The following GLG1 variants were observed in gnomAD, a reference collection of about 807,000 sequenced individuals.
GLG1 encodes the protein golgi glycoprotein 1, also known as Golgi apparatus protein 1.
GLG1 carries 38 observed loss-of-function variants against 160.5 expected under a neutral mutation model. That is an observed-to-expected ratio of 0.24 (90% confidence interval 0.18 to 0.31). The LOEUF (loss-of-function observed/expected upper bound fraction) is 0.31. GLG1 is among the 10% of genes least tolerant of loss of function. The pLI is 1.00. For synonymous variants in GLG1, 644 were observed against 543.4 expected, an observed-to-expected ratio of 1.19 and a Z score of -2.57; for missense variants, 1,373 against 1,505.2, an observed-to-expected ratio of 0.91 and a Z score of 1.45.
chr16:74,583,625 C>T (rs147796734), intron 1 of GLG1, among the ~76,000 whole-genome samples: 3 of 152,298 alleles, frequency 2.0e-5, no homozygotes, highest in South Asian at 2.1e-4. Flanking sequence ...AGTGATCCAC[C>T]GGCCTCAGCC....
chr16:74,462,074 GT>G lies in GLG1; in HGVS notation c.3036+19del. On this transcript the variant is annotated intron_variant, in intron 22 of 25. Transcript: ENST00000422840. ...CTCTGAGCAGCTCTGTGCGTAACCAGTTTTGCACGCAAATCCCACCTCGTCT... is the reference window on the plus strand; with the variant it reads ...CTCTGAGCAGCTCTGTGCGTAACCAGTTTGCACGCAAATCCCACCTCGTCT... 1 of 1,378,864 alleles carries G rather than the reference GT, an allele frequency of 7.3e-7. No individual in the cohort carries two copies. The highest frequency in any genetic ancestry group is 1.0e-6 in the Non-Finnish European group (1 of 968,526). The allele number at this position is 1,378,864 out of a possible 1,614,324, so 85.4% of individuals were successfully genotyped here.
chr16:74,538,172 C>A (rs2017737538), intron 1 of GLG1, among the ~76,000 whole-genome samples: 1 of 148,702 alleles, frequency 6.7e-6, no homozygotes, highest in Non-Finnish European at 1.5e-5. Flanking sequence ...TTTTTGAATC[C>A]CTCAGGAGAA....
At chr16:74,457,356 C>G (rs532144134) in intron 24 of GLG1, among the ~76,000 whole-genome samples, 2 of 152,224 alleles carry the variant, frequency 1.3e-5, no homozygotes, top group South Asian at 4.1e-4. Flanking sequence ...GAGATCATGC[C>G]ACCACACTCC....
At chr16:74,526,569 C>T (rs2017340695) in intron 2 of GLG1, among the ~76,000 whole-genome samples, 1 of 150,594 alleles carries the variant, frequency 6.6e-6, no homozygotes, top group Non-Finnish European at 1.5e-5. Context: ...ACAAAAAATA[C>T]AAAAATTAGC....
At chr16:74,572,529 A>AC (rs1163760385) in intron 1 of GLG1, among the ~76,000 whole-genome samples, 5 of 142,692 alleles carry the variant, frequency 3.5e-5, no homozygotes, top group South Asian at 4.6e-4. Context: ...AAAACAAACA[A>AC]AAAAAAAAAA....
intron 2 of GLG1, among the ~76,000 whole-genome samples, chr16:74,518,134 T>G (rs879082721): frequency 6.6e-6 from 1 of 152,120 alleles, no homozygotes; most frequent in Non-Finnish European, 1.5e-5. Flanking sequence ...CCAAAGTAAT[T>G]TATAGAGTCA....
intron 12 of GLG1, among the ~76,000 whole-genome samples, chr16:74,475,559 T>C (rs11861157): frequency 6.6e-6 from 1 of 152,210 alleles, no homozygotes; most frequent in African/African-American, 2.4e-5. Flanking sequence ...TGTGTGGGCT[T>C]TGGAAACCGA....
intron 19 of GLG1, chr16:74,464,015 A>C: frequency 6.5e-6 from 1 of 154,020 alleles, no homozygotes; most frequent in Non-Finnish European, 1.4e-5. Flanking sequence ...ATCTATCCAA[A>C]AGCTGATGAA....
intron 2 of GLG1, among the ~76,000 whole-genome samples, chr16:74,528,334 G>T (rs529448503): frequency 6.6e-6 from 1 of 151,944 alleles, no homozygotes; most frequent in East Asian, 1.9e-4. Context: ...TTTTTTGCTG[G>T]ATATAGAATT....
chr16:74,586,325 C>T (rs1239123075), intron 1 of GLG1, among the ~76,000 whole-genome samples: 1 of 152,042 alleles, frequency 6.6e-6, no homozygotes, highest in East Asian at 1.9e-4. Flanking sequence ...TTAGTTTTGT[C>T]CTAATTAGCA....
At chr16:74,467,916 C>A (rs920021299) in intron 17 of GLG1, 68 bp from the exon 18 acceptor site, 1 of 1,038,142 alleles carries the variant, frequency 9.6e-7, no homozygotes, top group Non-Finnish European at 1.5e-6. Flanking sequence ...GTTCTGGAGA[C>A]TTATTTGTTG....
intron 1 of GLG1, among the ~76,000 whole-genome samples, chr16:74,579,909 A>T (rs1426354567): frequency 6.6e-6 from 1 of 151,478 alleles, no homozygotes; most frequent in Non-Finnish European, 1.5e-5. Flanking sequence ...CTAAAAATAC[A>T]AAAATTAGCT....
intron 2 of GLG1, among the ~76,000 whole-genome samples, chr16:74,527,178 G>A (rs2017362133): frequency 6.8e-6 from 1 of 147,750 alleles, no homozygotes; most frequent in Admixed American, 6.7e-5. Context: ...TGCTACTGTT[G>A]TCATATATTT....
At chr16:74,548,850 G>C (rs1440450276) in intron 1 of GLG1, among the ~76,000 whole-genome samples, 1 of 152,120 alleles carries the variant, frequency 6.6e-6, no homozygotes, top group African/African-American at 2.4e-5. Flanking sequence ...AGAAGAATTA[G>C]CTGGGCGTGG....
chr16:74,542,954 G>A (rs1040079589), intron 1 of GLG1, among the ~76,000 whole-genome samples: 2 of 152,020 alleles, frequency 1.3e-5, no homozygotes, highest in Non-Finnish European at 1.5e-5. Flanking sequence ...AAATACAAAT[G>A]AGGGATGTAA....
At chr16:74,522,923 G>A (rs1383061051) in intron 2 of GLG1, among the ~76,000 whole-genome samples, 2 of 152,150 alleles carry the variant, frequency 1.3e-5, no homozygotes, top group Non-Finnish European at 2.9e-5. Context: ...GGCTCATGCA[G>A]TCCTCTCACT....
chr16:74,477,743 G>A (rs1268110074), intron 11 of GLG1, among the ~76,000 whole-genome samples: 2 of 152,078 alleles, frequency 1.3e-5, no homozygotes, highest in Non-Finnish European at 2.9e-5. Context: ...GGAGGTCGAG[G>A]CGGGCGGATC....
intron 2 of GLG1, among the ~76,000 whole-genome samples, chr16:74,522,577 G>GCT (rs2017201445): frequency 6.6e-6 from 1 of 151,946 alleles, no homozygotes; most frequent in African/African-American, 2.4e-5. Flanking sequence ...TTTCTTTGTT[G>GCT]CTCTGTGTGA....
chr16:74,540,352 G>A (rs1038641982), intron 1 of GLG1, among the ~76,000 whole-genome samples: 28 of 147,810 alleles, frequency 1.9e-4, no homozygotes, highest in Admixed American at 6.9e-4. Flanking sequence ...TTTTTCTACC[G>A]TGTATAAAAA....
Sources: allele counts gnomAD v4.1 joint callset (sites outside exome capture counted in the v4.1 genomes callset), GRCh38; gene constraint gnomAD v4.1.1; transcripts MANE v1.5; gene names NCBI Gene and HGNC (gene_info 2026-07-23, HGNC 2026-07-21).